The following KIRREL1 variants were observed in gnomAD, a reference collection of about 807,000 sequenced individuals.
KIRREL1 encodes the protein kin of IRRE-like protein 1.
A neutral mutation model predicts 83.3 loss-of-function variants in KIRREL1; 25 were observed. The ratio of observed to expected loss-of-function variants is 0.30; its 90% CI spans 0.22 to 0.42. The LOEUF (loss-of-function observed/expected upper bound fraction) is 0.42. KIRREL1 is among the 10% of genes least tolerant of loss of function. The pLI is 1.00. For missense variants in KIRREL1, 812 were observed against 1,032.3 expected (o/e 0.79, Z 2.92); for synonymous variants, 388 against 410.4 (o/e 0.95, Z 0.66).
At chr1:158,044,230 G>A (rs1341117863) in intron 1 of KIRREL1, among the ~76,000 whole-genome samples, 1 of 152,134 alleles carries the variant, frequency 6.6e-6, no homozygotes. Context: ...GTAAAAAAGT[G>A]GCAGAAGGAG....
chr1:158,017,981 G>C (rs1659881481), intron 1 of KIRREL1, among the ~76,000 whole-genome samples: 1 of 152,062 alleles, frequency 6.6e-6, no homozygotes, highest in South Asian at 2.1e-4. Context: ...AATGTGAAGG[G>C]GGAGGAGGAG....
At chr1:158,031,549 T>C (rs1660327319) in intron 1 of KIRREL1, among the ~76,000 whole-genome samples, 1 of 152,136 alleles carries the variant, frequency 6.6e-6, no homozygotes, top group Non-Finnish European at 1.5e-5. Flanking sequence ...CATCAGAGAA[T>C]AGTGTGTGTA....
chr1:158,000,546 G>A (rs992113856), intron 1 of KIRREL1, among the ~76,000 whole-genome samples: 16 of 152,276 alleles, frequency 1.1e-4, no homozygotes, highest in Middle Eastern at 3.4e-3. Context: ...CAGACAATGC[G>A]AACCTAATTA....
intron 1 of KIRREL1, among the ~76,000 whole-genome samples, chr1:158,056,116 G>A (rs1002130127): frequency 2.0e-5 from 3 of 151,976 alleles, no homozygotes; most frequent in African/African-American, 4.8e-5. Context: ...TACACTCCTC[G>A]CCCCCCCTCA....
chr1:158,034,703 A>G (rs1180702180), intron 1 of KIRREL1, among the ~76,000 whole-genome samples: 1 of 152,246 alleles, frequency 6.6e-6, no homozygotes, highest in Non-Finnish European at 1.5e-5. Flanking sequence ...TTCATAAAAC[A>G]TAAGGGATTG....
chr1:158,026,842 A>G (rs982521104), intron 1 of KIRREL1, among the ~76,000 whole-genome samples: 2 of 152,118 alleles, frequency 1.3e-5, no homozygotes, highest in African/African-American at 2.4e-5. Context: ...GAAAAAAAGC[A>G]AACTGTTTTT....
intron 2 of KIRREL1, 48 bp from the exon 3 acceptor site, chr1:158,077,943 G>T (rs766398251): frequency 6.2e-7 from 1 of 1,606,868 alleles, no homozygotes; most frequent in South Asian, 1.1e-5. Context: ...GATGGCTGAG[G>T]ATGTGTCCTT....
At chr1:158,024,936 C>T (rs1029719242) in intron 1 of KIRREL1, among the ~76,000 whole-genome samples, 5 of 152,204 alleles carry the variant, frequency 3.3e-5, no homozygotes, top group Non-Finnish European at 7.3e-5. Context: ...GAGATCCTCC[C>T]TTCCGATTTC....
chr1:158,083,665 C>A (rs1426760189), intron 3 of KIRREL1, among the ~76,000 whole-genome samples: 1 of 152,182 alleles, frequency 6.6e-6, no homozygotes, highest in African/African-American at 2.4e-5. Flanking sequence ...CATCTGTCTG[C>A]TCCAGGGCAG....
chr1:158,072,848 C>T (rs1156680711), intron 1 of KIRREL1, among the ~76,000 whole-genome samples: 2 of 141,354 alleles, frequency 1.4e-5, no homozygotes, highest in Non-Finnish European at 3.1e-5. Context: ...AGGTGCAGGC[C>T]TCGGACAGGG....
chr1:158,009,554 G>A lies in KIRREL1; in HGVS notation c.52+15826G>A, dbSNP rs1659610671. Reference sequence around the variant, plus strand: ...AGCAAGTTAGTTTCTTAACAAGTTTGTGAGGGAGGGAGGGTCCTTTTGTTC... The same window carrying A: ...AGCAAGTTAGTTTCTTAACAAGTTTATGAGGGAGGGAGGGTCCTTTTGTTC... On this transcript the variant is annotated intron_variant, in intron 1 of 14. Coordinates refer to ENST00000359209, the MANE Select transcript of KIRREL1 (RefSeq NM_018240.7). Among the ~76,000 whole-genome samples, 3 of 152,290 alleles carry A rather than the reference G, an allele frequency of 2.0e-5. No individual in the cohort carries two copies. The South Asian group carries it at 6.2e-4, about 32-fold the overall frequency.
At chr1:158,002,078 C>T (rs1659376330) in intron 1 of KIRREL1, among the ~76,000 whole-genome samples, 1 of 152,112 alleles carries the variant, frequency 6.6e-6, no homozygotes, top group Non-Finnish European at 1.5e-5. Flanking sequence ...GAGCAGAAAA[C>T]CTTAGAGAAA....
rs577231691 is a variant in KIRREL1, at chr1:158,030,519, G to A, written c.52+36791G>A. On this transcript the variant is annotated intron_variant, in intron 1 of 14. Coordinates refer to ENST00000359209, the MANE Select transcript of KIRREL1 (RefSeq NM_018240.7). ...CCAAAGTTCTGGAGTCAGAAGATCT[G>A]GGTTCTACTCCAGGCCGTCGCATAT... 1.3e-4 allele frequency among the ~76,000 whole-genome samples: 20 copies of A among 152,270 alleles called. No individual in the cohort carries two copies. The South Asian group carries it at 4.1e-3, about 32-fold the overall frequency.
At chr1:158,024,786 C>G (rs1160715306) in intron 1 of KIRREL1, among the ~76,000 whole-genome samples, 2 of 152,130 alleles carry the variant, frequency 1.3e-5, no homozygotes, top group Non-Finnish European at 2.9e-5. Flanking sequence ...TCCCCAGGGT[C>G]CACCCTGACC....
intron 10 of KIRREL1, 89 bp downstream of exon 10, chr1:158,089,907 T>C: frequency 9.0e-7 from 1 of 1,109,788 alleles, no homozygotes; most frequent in Middle Eastern, 2.6e-4. Flanking sequence ...GTTTTGCTCC[T>C]TCAACTTCCC....
At chr1:158,066,467 T>C (rs1661361416) in intron 1 of KIRREL1, among the ~76,000 whole-genome samples, 1 of 152,276 alleles carries the variant, frequency 6.6e-6, no homozygotes, top group Non-Finnish European at 1.5e-5. Flanking sequence ...TCTCTATTTC[T>C]GCCTATGACT....
intron 1 of KIRREL1, among the ~76,000 whole-genome samples, chr1:158,032,866 G>A (rs1354890124): frequency 3.3e-5 from 5 of 152,212 alleles, no homozygotes; most frequent in Admixed American, 6.5e-5. Context: ...CACTTCCCGC[G>A]TTCAAGCAAT....
intron 1 of KIRREL1, among the ~76,000 whole-genome samples, chr1:158,055,826 A>G (rs191203692): frequency 1.6e-4 from 25 of 152,344 alleles, no homozygotes; most frequent in African/African-American, 5.8e-4. Context: ...CCTAATTACA[A>G]GGTGCCTGCA....
chr1:158,006,881 C>T (rs1233039342), intron 1 of KIRREL1, among the ~76,000 whole-genome samples: 1 of 152,192 alleles, frequency 6.6e-6, no homozygotes. Context: ...CAGCCAGGGC[C>T]AGTTTTAGCT....
Sources: allele counts gnomAD v4.1 joint callset (sites outside exome capture counted in the v4.1 genomes callset), GRCh38; gene constraint gnomAD v4.1.1; transcripts MANE v1.5; gene names NCBI Gene and HGNC (gene_info 2026-07-23, HGNC 2026-07-21).